Variants in MYO9A observed in about 807,000 individuals in gnomAD.
The protein encoded by MYO9A is myosin IXA, also known as unconventional myosin-IXa.
A neutral mutation model predicts 293.3 loss-of-function variants in MYO9A; 103 were observed. That is an observed-to-expected ratio of 0.35 (90% confidence interval 0.30 to 0.41). The LOEUF (loss-of-function observed/expected upper bound fraction) is 0.41, where lower values mean the gene tolerates loss of function less well. Ranked by LOEUF, MYO9A falls within the 10% of genes least tolerant of loss-of-function variation. MYO9A has a pLI of 1.00. For synonymous variants in MYO9A, 1,001 were observed against 1,035.7 expected (o/e 0.97, Z 0.64); for missense variants, 2,685 against 3,033.0 (o/e 0.89, Z 2.69).
chr15:72,062,037 A>G (rs1045144910), intron 1 of MYO9A, among the ~76,000 whole-genome samples: 10 of 152,320 alleles, frequency 6.6e-5, no homozygotes, highest in African/African-American at 2.4e-4. Flanking sequence ...GGAAGAGAAC[A>G]AGAGATTCTG....
chr15:71,837,081 C>T (rs1342713860), intron 39 of MYO9A, among the ~76,000 whole-genome samples: 8 of 151,962 alleles, frequency 5.3e-5, no homozygotes, highest in East Asian at 1.9e-4. Context: ...TGGAAATATA[C>T]GAATAGCCTT....
At chr15:72,074,426 C>A (rs73436331) in intron 1 of MYO9A, among the ~76,000 whole-genome samples, 3,242 of 151,524 alleles carry the variant, frequency 0.021, 112 homozygotes, top group African/African-American at 0.076. Context: ...CTGAAAAAAA[C>A]AACAACAACA....
At position 71,978,205 on chromosome 15, in the gene MYO9A, T is replaced by C. The variant is rs1019555208; in HGVS notation, c.1810A>G (p.Thr604Ala). 1.9e-6 allele frequency: 3 copies of C among 1,613,182 alleles called. No homozygotes were observed. Among genetic ancestry groups the C allele is most frequent in the Admixed American group, 3.3e-5 (2 of 59,930 alleles). The change falls in exon 12 of 42, where the codon ACA becomes GCA. Residue 604 changes from threonine (T) to alanine (A), a missense_variant. By Grantham distance (58) the Thr-to-Ala change is moderately conservative. Transcript: ENST00000356056. Reference protein sequence around the residue: ...CCINLISKKPTGLLHLLDEES... With the variant: ...CCINLISKKPAGLLHLLDEES... Reference sequence around the variant, plus strand: ...TCATCCAAAAGATGAAGCAGTCCTGTTGGTTTTTTGCTAATAAGATTTATG... The same window carrying C: ...TCATCCAAAAGATGAAGCAGTCCTGCTGGTTTTTTGCTAATAAGATTTATG...
At chr15:72,022,490 C>T (rs553702766) in intron 4 of MYO9A, among the ~76,000 whole-genome samples, 1 of 151,326 alleles carries the variant, frequency 6.6e-6, no homozygotes, top group African/African-American at 2.4e-5. Context: ...TACTGCACTC[C>T]AGCCTGGTGA....
chr15:71,925,176 CATATATACAT>C (rs1393636042), intron 18 of MYO9A, among the ~76,000 whole-genome samples: 113 of 2,592 alleles, frequency 0.044, 1 homozygote, highest in African/African-American at 0.061. Context: ...TATATATACA[CATATATACAT>C]GTGTATATAT....
At chr15:71,906,758 C>CTTTCTTTCTTTTT (rs765264146) in intron 19 of MYO9A, among the ~76,000 whole-genome samples, 5 of 61,014 alleles carry the variant, frequency 8.2e-5, no homozygotes, top group Admixed American at 2.2e-4. Context: ...CCATTTCTTT[C>CTTTCTTTCTTTTT]TTTTTTTTTT....
At chr15:71,968,823 A>G (rs1410646185) in intron 12 of MYO9A, among the ~76,000 whole-genome samples, 2 of 152,186 alleles carry the variant, frequency 1.3e-5, no homozygotes, top group South Asian at 2.1e-4. Flanking sequence ...AAGAGAGAAA[A>G]TATCATTGAC....
intron 10 of MYO9A, among the ~76,000 whole-genome samples, chr15:71,992,066 T>G (rs1234332957): frequency 6.6e-6 from 1 of 151,872 alleles, no homozygotes; most frequent in Non-Finnish European, 1.5e-5. Context: ...GAACATACGG[T>G]TTCGTAAAGT....
At chr15:71,976,799 G>A (rs2147773132) in intron 12 of MYO9A, among the ~76,000 whole-genome samples, 1 of 152,366 alleles carries the variant, frequency 6.6e-6, no homozygotes. Context: ...ACTAGTGATA[G>A]AGTAGGTCAG....
chr15:71,906,758 C>CTTTTTTTTTTTTTTTTTTTTT (rs71131714), intron 19 of MYO9A, among the ~76,000 whole-genome samples: 10 of 61,028 alleles, frequency 1.6e-4, no homozygotes, highest in African/African-American at 3.8e-4. Flanking sequence ...CCATTTCTTT[C>CTTTTTTTTTTTTTTTTTTTTT]TTTTTTTTTT....
intron 1 of MYO9A, among the ~76,000 whole-genome samples, chr15:72,063,701 G>C (rs2078939778): frequency 6.6e-6 from 1 of 152,164 alleles, no homozygotes; most frequent in Admixed American, 6.5e-5. Flanking sequence ...GTACACCGTT[G>C]GTGAGAATGT....
At chr15:72,031,212 G>C (rs1481445486) in intron 3 of MYO9A, among the ~76,000 whole-genome samples, 1 of 152,206 alleles carries the variant, frequency 6.6e-6, no homozygotes, top group Non-Finnish European at 1.5e-5. Context: ...GACCACTGCA[G>C]TAAGAGATTA....
intron 1 of MYO9A, among the ~76,000 whole-genome samples, chr15:72,066,744 A>G (rs1276749815): frequency 1.3e-5 from 2 of 151,878 alleles, no homozygotes; most frequent in East Asian, 3.9e-4. Flanking sequence ...TTTAACTGTA[A>G]ATACTGAAGA....
At chr15:72,006,805 T>C (rs1057322158) in intron 8 of MYO9A, among the ~76,000 whole-genome samples, 4 of 152,162 alleles carry the variant, frequency 2.6e-5, no homozygotes, top group South Asian at 2.1e-4. Flanking sequence ...CTGTTCTAAG[T>C]AATTTTGGAA....
At chr15:72,100,770 C>A (rs1226726557) in intron 1 of MYO9A, among the ~76,000 whole-genome samples, 1 of 150,988 alleles carries the variant, frequency 6.6e-6, no homozygotes, top group Non-Finnish European at 1.5e-5. Flanking sequence ...CCGGCAGCTG[C>A]CCCGTCTGAG....
At chr15:72,047,087 G>A (rs1038965528) in intron 1 of MYO9A, among the ~76,000 whole-genome samples, 2 of 152,094 alleles carry the variant, frequency 1.3e-5, no homozygotes, top group African/African-American at 4.8e-5. Context: ...CAAAAATTTT[G>A]TAAAATTTGT....
At chr15:71,971,830 T>C (rs1443576855) in intron 12 of MYO9A, among the ~76,000 whole-genome samples, 1 of 151,508 alleles carries the variant, frequency 6.6e-6, no homozygotes, top group Non-Finnish European at 1.5e-5. Context: ...TAGGTTTTCA[T>C]CCACGGTTCC....
At chr15:71,899,054 G>A (rs753226829) in intron 24 of MYO9A, 22 bp from the exon 25 acceptor site, 9 of 1,521,952 alleles carry the variant, frequency 5.9e-6, no homozygotes, top group South Asian at 3.9e-5. Context: ...CAGACAAAAT[G>A]GGTTATAGAA....
At chr15:71,984,045 T>C (rs1331152129) in intron 11 of MYO9A, among the ~76,000 whole-genome samples, 1 of 152,250 alleles carries the variant, frequency 6.6e-6, no homozygotes, top group Non-Finnish European at 1.5e-5. Flanking sequence ...TGTCCCTGAC[T>C]TACGATGATT....
Sources: gnomAD v4.1 joint callset for allele counts (sites outside exome capture counted in the v4.1 genomes callset) on GRCh38, gnomAD v4.1.1 for gene constraint, MANE v1.5 for transcripts, NCBI Gene and HGNC (gene_info 2026-07-23, HGNC 2026-07-21) for gene names.